Variants in RAB31 observed in about 807,000 individuals in gnomAD.
RAB31 encodes ras-related protein Rab-31.
RAB31 carries 21 observed loss-of-function variants against 25.6 expected under a neutral mutation model. The observed-to-expected ratio is 0.82, with a 90% CI of 0.58 to 1.18. The LOEUF (loss-of-function observed/expected upper bound fraction) is 1.18, where lower values mean the gene tolerates loss of function less well. Among genes scored for constraint, RAB31 ranks in the 50% most tolerant of loss-of-function variants. The pLI is 0.00. For synonymous variants in RAB31, 87 were observed against 84.0 expected, an observed-to-expected ratio of 1.04 and a Z score of -0.20; for missense variants, 196 against 250.1, an observed-to-expected ratio of 0.78 and a Z score of 1.46.
intron 1 of RAB31, chr18:9,774,850 G>C (rs556741677): frequency 1.9e-6 from 1 of 519,060 alleles, no homozygotes; most frequent in Non-Finnish European, 3.8e-6. Context: ...AGGTCTTAAA[G>C]GGTGATGCCT....
At chr18:9,806,469 C>T (rs116523877) in intron 3 of RAB31, among the ~76,000 whole-genome samples, 4,247 of 150,862 alleles carry the variant, frequency 0.028, 155 homozygotes, top group African/African-American at 0.082. Context: ...TGCTAGAAGG[C>T]GTCAGGGAAG....
chr18:9,744,187 T>A (rs1032252793), intron 1 of RAB31, among the ~76,000 whole-genome samples: 1 of 152,226 alleles, frequency 6.6e-6, no homozygotes, highest in Non-Finnish European at 1.5e-5. Flanking sequence ...AAACTATGCA[T>A]TGTGTAGAGC....
In RAB31 at chr18:9,860,593, A is replaced by G. The variant is rs1198165048; in HGVS notation, c.*1268A>G. 1 of 152,196 alleles carries G rather than the reference A, an allele frequency of 6.6e-6. No homozygotes were observed. Among genetic ancestry groups the G allele is most frequent in the East Asian group, 1.9e-4 (1 of 5,192 alleles). 9.4% of individuals were successfully genotyped at this position (152,196 alleles called of 1,614,324 possible). On this transcript the variant is annotated 3_prime_UTR_variant, in exon 7 of 7. Transcript: ENST00000578921. Reference sequence around the variant, plus strand: ...AAATTCAAATTCTATTACCATTCTAACTTTCATAAAAAGTTGGGATCAAGA... The same window carrying G: ...AAATTCAAATTCTATTACCATTCTAGCTTTCATAAAAAGTTGGGATCAAGA...
intron 2 of RAB31, among the ~76,000 whole-genome samples, chr18:9,778,361 G>A (rs796816847): frequency 2.0e-4 from 30 of 152,230 alleles, no homozygotes; most frequent in African/African-American, 6.3e-4. Context: ...AATGCATTTC[G>A]GTGGTTTGGA....
At chr18:9,810,813 C>T (rs1461272965) in intron 3 of RAB31, among the ~76,000 whole-genome samples, 3 of 152,138 alleles carry the variant, frequency 2.0e-5, no homozygotes, top group Non-Finnish European at 2.9e-5. Context: ...TTTGTATTGA[C>T]TGCTACTTTG....
chr18:9,792,704 A>G (rs1271575515), intron 3 of RAB31, among the ~76,000 whole-genome samples: 3 of 152,094 alleles, frequency 2.0e-5, no homozygotes, highest in East Asian at 3.9e-4. Context: ...CTTAGGCCCC[A>G]TGCCCACTCC....
intron 2 of RAB31, chr18:9,785,091 A>G (rs975769709): frequency 6.5e-6 from 1 of 152,760 alleles, no homozygotes; most frequent in Non-Finnish European, 1.5e-5. Flanking sequence ...GAGGAAAGAA[A>G]AAGAGTCGAG....
At chr18:9,834,806 A>G (rs1443187617) in intron 5 of RAB31, among the ~76,000 whole-genome samples, 1 of 152,184 alleles carries the variant, frequency 6.6e-6, no homozygotes, top group Non-Finnish European at 1.5e-5. Context: ...TTCTTCGAAG[A>G]CAGAGTAATC....
chr18:9,806,426 G>A (rs1355483862), intron 3 of RAB31, among the ~76,000 whole-genome samples: 1 of 152,118 alleles, frequency 6.6e-6, no homozygotes, highest in African/African-American at 2.4e-5. Context: ...TGAGGGAGGG[G>A]CCTTGAGGAT....
chr18:9,842,060 C>T (rs1020675665), intron 5 of RAB31, among the ~76,000 whole-genome samples: 14 of 152,090 alleles, frequency 9.2e-5, no homozygotes, highest in South Asian at 4.1e-4. Context: ...ATGGACACAA[C>T]TCAGGAGTAG....
chr18:9,827,899 G>A (rs1201072950), intron 5 of RAB31, among the ~76,000 whole-genome samples: 1 of 152,184 alleles, frequency 6.6e-6, no homozygotes, highest in Non-Finnish European at 1.5e-5. Context: ...GGAAGTATCT[G>A]ATGAGCAATG....
At chr18:9,762,578 T>A (rs1237300080) in intron 1 of RAB31, among the ~76,000 whole-genome samples, 3 of 152,196 alleles carry the variant, frequency 2.0e-5, no homozygotes, top group Non-Finnish European at 4.4e-5. Flanking sequence ...AATTATTATT[T>A]TTTTTTACAG....
chr18:9,785,852 G>A (rs2068429263), intron 2 of RAB31, among the ~76,000 whole-genome samples: 1 of 152,192 alleles, frequency 6.6e-6, no homozygotes, highest in Admixed American at 6.5e-5. Context: ...TCTGAAGTCA[G>A]GGGTTTGAGG....
At chr18:9,827,376 A>G (rs1010186998) in intron 5 of RAB31, among the ~76,000 whole-genome samples, 1 of 152,120 alleles carries the variant, frequency 6.6e-6, no homozygotes, top group Admixed American at 6.5e-5. Context: ...AACAACAGTG[A>G]CGATGGGGGC....
At chr18:9,800,919 G>A (rs1281149747) in intron 3 of RAB31, among the ~76,000 whole-genome samples, 5 of 152,108 alleles carry the variant, frequency 3.3e-5, no homozygotes, top group African/African-American at 1.2e-4. Context: ...CCATTTTAGA[G>A]CATTTTTATC....
intron 3 of RAB31, among the ~76,000 whole-genome samples, chr18:9,812,021 G>A (rs1335694802): frequency 1.3e-5 from 2 of 152,188 alleles, no homozygotes; most frequent in African/African-American, 4.8e-5. Context: ...CAGTGCCTGT[G>A]AGGGCCCCCT....
chr18:9,775,312 G>C lies in RAB31; in HGVS notation c.74G>C (p.Arg25Pro), dbSNP rs775715224. The change falls in exon 2 of 7, where the codon CGA (arginine) becomes CCA (proline). Residue 25 changes from arginine to proline, a missense_variant. Transcript: ENST00000578921. ...GTTGGGAAATCAAGCATCGTGTGTC[G>C]ATTTGTCCAGGATCACTTTGACCAC... The part of the protein sequence containing the change: ...TGVGKSSIVC[R>P]FVQDHFDHNI... 1.2e-6 allele frequency: 2 copies of C among 1,613,664 alleles called. No individual in the cohort carries two copies. Among genetic ancestry groups the C allele is most frequent in the African/African-American group, 2.7e-5 (2 of 74,878 alleles).
At chr18:9,729,555 T>C (rs1273664979) in intron 1 of RAB31, among the ~76,000 whole-genome samples, 1 of 152,080 alleles carries the variant, frequency 6.6e-6, no homozygotes, top group Non-Finnish European at 1.5e-5. Context: ...TTAGCTATAT[T>C]TTGTCCTAGT....
At chr18:9,754,204 TC>T (rs1232534644) in intron 1 of RAB31, among the ~76,000 whole-genome samples, 1 of 152,204 alleles carries the variant, frequency 6.6e-6, no homozygotes, top group Non-Finnish European at 1.5e-5. Context: ...ATCTGTGAGT[TC>T]CATGTTTGTG....
Sources: gnomAD v4.1 joint callset for allele counts (sites outside exome capture counted in the v4.1 genomes callset) on GRCh38, gnomAD v4.1.1 for gene constraint, MANE v1.5 for transcripts, NCBI Gene and HGNC (gene_info 2026-07-23, HGNC 2026-07-21) for gene names.